GRIA2: variants seen among roughly 807,000 people sequenced by gnomAD.
GRIA2 encodes the protein glutamate receptor 2.
A neutral mutation model predicts 97.3 loss-of-function variants in GRIA2; 14 were observed. The ratio of observed to expected loss-of-function variants is 0.14; its 90% CI spans 0.10 to 0.23. GRIA2 has a LOEUF of 0.23. Among genes scored for constraint, GRIA2 ranks in the 10% least tolerant of loss-of-function variants. The pLI, the probability that GRIA2 is intolerant of heterozygous loss-of-function variation, is 1.00. For synonymous variants in GRIA2, 412 were observed against 387.8 expected (o/e 1.06, Z -0.73); for missense variants, 558 against 1,069.8 (o/e 0.52, Z 6.67).
At chr4:157,300,563 A>C (rs1166053168) in intron 2 of GRIA2, among the ~76,000 whole-genome samples, 1 of 152,142 alleles carries the variant, frequency 6.6e-6, no homozygotes, top group Admixed American at 6.6e-5. Flanking sequence ...AACTGTATGC[A>C]TAGTCAGGGG....
At chr4:157,355,626 A>G (rs1261948916) in intron 12 of GRIA2, among the ~76,000 whole-genome samples, 1 of 135,682 alleles carries the variant, frequency 7.4e-6, no homozygotes, top group Non-Finnish European at 1.5e-5. Context: ...ATTTATATAT[A>G]TTTATTTATA....
At chr4:157,355,600 ATATTTATATATATTTATTTATATATATT>A (rs1215998868) in intron 12 of GRIA2, among the ~76,000 whole-genome samples, 2 of 102,614 alleles carry the variant, frequency 1.9e-5, no homozygotes, top group South Asian at 2.8e-4. Context: ...ATTTATATAT[ATATTTATATATATTTATTTATATATATT>A]TATTTATATA....
chr4:157,292,759 T>C (rs1297928002), intron 2 of GRIA2, among the ~76,000 whole-genome samples: 2 of 152,076 alleles, frequency 1.3e-5, no homozygotes, highest in East Asian at 3.9e-4. Flanking sequence ...TGTTTATCAG[T>C]GAGGTGGCTG....
In GRIA2 at chr4:157,249,244, C is replaced by T. The variant is rs1389236857; in HGVS notation, c.229+27437C>T. On this transcript the variant is annotated intron_variant, in intron 2 of 15. Coordinates refer to ENST00000264426, the MANE Select transcript of GRIA2 (RefSeq NM_001083619.3). Reference sequence around the variant, plus strand: ...GAAACTTTATGAACCTCCAGAGCCACTTGAAAGTCCCTGTGTACTTCATAA... The same window carrying T: ...GAAACTTTATGAACCTCCAGAGCCATTTGAAAGTCCCTGTGTACTTCATAA... Among the ~76,000 whole-genome samples the T allele has an allele frequency of 2.0e-5, 3 of 152,130 alleles. No homozygotes were observed. In the East Asian group the frequency reaches 5.8e-4, roughly 29 times the overall value.
chr4:157,309,689 G>A (rs1014064152), intron 3 of GRIA2, among the ~76,000 whole-genome samples: 9 of 151,948 alleles, frequency 5.9e-5, no homozygotes, highest in Non-Finnish European at 8.8e-5. Context: ...GTGAACTGCC[G>A]GAAATTTTAG....
rs199736067 is a variant in GRIA2 at position 157,321,521 on chromosome 4, G to A, written c.804G>A (p.Ser268=). The A allele has an allele frequency of 2.0e-4, 324 of 1,605,936 alleles. No individual in the cohort carries two copies. Among genetic ancestry groups the A allele is most frequent in the Non-Finnish European group, 2.5e-4 (296 of 1,172,820 alleles). ...TTCAGATAGTGGACTATGATGATTC[G>A]TTGGTATCTAAATTTATAGAAAGAT... is the stretch of plus-strand genomic sequence containing the variant. The part of the protein sequence containing the change: ...SGFQIVDYDD[S]LVSKFIERWS... Residue 268 remains serine (S), a synonymous_variant, in exon 6 of 16, where the codon TCG becomes TCA. Transcript: ENST00000264426.
At chr4:157,254,570 TAAG>T (rs1370720737) in intron 2 of GRIA2, among the ~76,000 whole-genome samples, 1 of 151,994 alleles carries the variant, frequency 6.6e-6, no homozygotes, top group Non-Finnish European at 1.5e-5. Context: ...AATGCAATAA[TAAG>T]AAGAGATACA....
At chr4:157,320,736 T>C (rs2126903688) in intron 5 of GRIA2, among the ~76,000 whole-genome samples, 1 of 152,242 alleles carries the variant, frequency 6.6e-6, no homozygotes, top group Non-Finnish European at 1.5e-5. Context: ...TTTATAATTG[T>C]GATATATGGA....
chr4:157,275,131 T>C (rs1732230623), intron 2 of GRIA2, among the ~76,000 whole-genome samples: 1 of 152,196 alleles, frequency 6.6e-6, no homozygotes, highest in African/African-American at 2.4e-5. Context: ...ATGATGAGCA[T>C]TTTTTCATGT....
chr4:157,286,258 T>C (rs987794064), intron 2 of GRIA2, among the ~76,000 whole-genome samples: 1 of 151,572 alleles, frequency 6.6e-6, no homozygotes, highest in Non-Finnish European at 1.5e-5. Context: ...TGTATATTTT[T>C]ATGGTGCACA....
At chr4:157,242,048 T>C (rs1470673634) in intron 2 of GRIA2, among the ~76,000 whole-genome samples, 1 of 152,134 alleles carries the variant, frequency 6.6e-6, no homozygotes, top group Non-Finnish European at 1.5e-5. Context: ...AAACCTTATA[T>C]TCACAATTTT....
chr4:157,238,381 C>A (rs1282836771), intron 2 of GRIA2, among the ~76,000 whole-genome samples: 1 of 152,050 alleles, frequency 6.6e-6, no homozygotes, highest in African/African-American at 2.4e-5. Flanking sequence ...ACCTTGAAGA[C>A]CCATTGGCTT....
intron 2 of GRIA2, among the ~76,000 whole-genome samples, chr4:157,260,439 C>T (rs1229430344): frequency 6.6e-6 from 1 of 152,112 alleles, no homozygotes; most frequent in African/African-American, 2.4e-5. Flanking sequence ...ATTCTGCCAT[C>T]TGAAGCACTT....
At chr4:157,322,340 A>C (rs1365178624) in intron 6 of GRIA2, among the ~76,000 whole-genome samples, 2 of 150,162 alleles carry the variant, frequency 1.3e-5, no homozygotes, top group Non-Finnish European at 2.9e-5. Flanking sequence ...AGAAGATAAA[A>C]ATCTCAATTT....
At chr4:157,356,552 C>T (rs1436828767) in intron 12 of GRIA2, among the ~76,000 whole-genome samples, 1 of 152,010 alleles carries the variant, frequency 6.6e-6, no homozygotes, top group African/African-American at 2.4e-5. Context: ...CGTTCATCTC[C>T]AAAGTCCACA....
intron 9 of GRIA2, chr4:157,334,435 C>A (rs1200064687): frequency 1.5e-5 from 3 of 206,618 alleles, no homozygotes; most frequent in Non-Finnish European, 3.0e-5. Context: ...CTTTCCATTC[C>A]CACCCGATAC....
intron 3 of GRIA2, among the ~76,000 whole-genome samples, chr4:157,304,956 C>T (rs1733776084): frequency 6.6e-6 from 1 of 151,920 alleles, no homozygotes; most frequent in African/African-American, 2.4e-5. Flanking sequence ...ACTATACAAG[C>T]TGAAAAAAAA....
At chr4:157,257,273 A>G (rs1289283192) in intron 2 of GRIA2, among the ~76,000 whole-genome samples, 1 of 152,024 alleles carries the variant, frequency 6.6e-6, no homozygotes, top group African/African-American at 2.4e-5. Flanking sequence ...TTTCAGATAT[A>G]TCATGTGGTT....
At chr4:157,310,364 A>G (rs1734025953) in intron 3 of GRIA2, among the ~76,000 whole-genome samples, 1 of 152,194 alleles carries the variant, frequency 6.6e-6, no homozygotes, top group African/African-American at 2.4e-5. Flanking sequence ...AACTTTTTTC[A>G]GCATGTGGTT....
Sources: gnomAD v4.1 joint callset for allele counts (sites outside exome capture counted in the v4.1 genomes callset) on GRCh38, gnomAD v4.1.1 for gene constraint, MANE v1.5 for transcripts, NCBI Gene and HGNC (gene_info 2026-07-23, HGNC 2026-07-21) for gene names.